Variants in ERBB4 observed in about 807,000 individuals in gnomAD.
ERBB4 encodes erb-b2 receptor tyrosine kinase 4, also known as receptor tyrosine-protein kinase erbB-4.
ERBB4 carries 42 observed loss-of-function variants against 158.0 expected under a neutral mutation model. The observed-to-expected ratio is 0.27, with a 90% confidence interval of 0.21 to 0.34. The LOEUF is 0.34. Among genes scored for constraint, ERBB4 ranks in the 10% least tolerant of loss-of-function variants. ERBB4 has a pLI of 1.00. For synonymous variants in ERBB4, 583 were observed against 558.7 expected, an observed-to-expected ratio of 1.04 and a Z score of -0.61; for missense variants, 1,333 against 1,624.1, an observed-to-expected ratio of 0.82 and a Z score of 3.08.
Position 211,619,081 on chromosome 2 carries a change from T to G in ERBB4, c.2301+96A>C, listed in dbSNP as rs2069496298. On this transcript the variant is annotated intron_variant, in intron 19 of 27. Transcript: ENST00000342788. Reference sequence around the variant, plus strand: ...TTATAATATTTCCATAAGAGAAATTTGTAAGTTGTGGAGTTTGGTTTTGTT... The same window carrying G: ...TTATAATATTTCCATAAGAGAAATTGGTAAGTTGTGGAGTTTGGTTTTGTT... 5.3e-6 allele frequency: 4 copies of G among 749,422 alleles called. No individual in the cohort carries two copies. The Admixed American group carries it at 8.0e-5, about 15-fold the overall frequency. The allele number at this position is 749,422 out of a possible 1,614,324, so 46.4% of individuals were successfully genotyped here. A position where few individuals can be genotyped will look rare whatever the true frequency, so the allele number is the denominator to read the frequency against.
At chr2:212,172,749 T>C (rs1389096290) in intron 1 of ERBB4, among the ~76,000 whole-genome samples, 2 of 151,056 alleles carry the variant, frequency 1.3e-5, no homozygotes, top group South Asian at 2.1e-4. Context: ...CATGGACAAA[T>C]GGGGGTGGAA....
chr2:211,405,697 T>C (rs1428795590), intron 25 of ERBB4, among the ~76,000 whole-genome samples: 1 of 152,198 alleles, frequency 6.6e-6, no homozygotes, highest in East Asian at 1.9e-4. Flanking sequence ...GGCTCTTCAC[T>C]AGTTCTACAT....
At chr2:212,161,278 C>T (rs933778057) in intron 1 of ERBB4, among the ~76,000 whole-genome samples, 5 of 151,864 alleles carry the variant, frequency 3.3e-5, no homozygotes, top group Non-Finnish European at 7.4e-5. Context: ...TATGTAATTT[C>T]CTTTATTAAT....
At chr2:211,553,704 A>G (rs1268271008) in intron 20 of ERBB4, among the ~76,000 whole-genome samples, 1 of 152,206 alleles carries the variant, frequency 6.6e-6, no homozygotes, top group Non-Finnish European at 1.5e-5. Flanking sequence ...CCTTTTCAAG[A>G]GCACAGAGAG....
chr2:212,150,801 T>G (rs2080841517), intron 1 of ERBB4, among the ~76,000 whole-genome samples: 1 of 152,210 alleles, frequency 6.6e-6, no homozygotes, highest in Non-Finnish European at 1.5e-5. Flanking sequence ...ATAACAATTA[T>G]GCATATCATT....
chr2:212,329,450 T>A (rs1185533600), intron 1 of ERBB4, among the ~76,000 whole-genome samples: 1 of 152,090 alleles, frequency 6.6e-6, no homozygotes, highest in Admixed American at 6.6e-5. Context: ...TACATGGTCA[T>A]AGCCTACTGA....
chr2:211,445,564 C>G (rs1334352252), intron 20 of ERBB4, among the ~76,000 whole-genome samples: 1 of 151,912 alleles, frequency 6.6e-6, no homozygotes, highest in East Asian at 1.9e-4. Context: ...ATGAGAGAAT[C>G]TTAAGAAGGT....
intron 16 of ERBB4, among the ~76,000 whole-genome samples, chr2:211,653,433 T>C (rs1476715821): frequency 2.6e-5 from 4 of 151,820 alleles, no homozygotes; most frequent in East Asian, 3.9e-4. Flanking sequence ...CTGGAAACAT[T>C]TCACCTGCTT....
At chr2:211,686,939 A>G (rs2072581066) in intron 12 of ERBB4, among the ~76,000 whole-genome samples, 1 of 151,970 alleles carries the variant, frequency 6.6e-6, no homozygotes, top group African/African-American at 2.4e-5. Flanking sequence ...ATGATCATGG[A>G]TTTTATAGGT....
At chr2:211,992,990 C>T (rs556348651) in intron 2 of ERBB4, among the ~76,000 whole-genome samples, 3 of 152,198 alleles carry the variant, frequency 2.0e-5, no homozygotes, top group Non-Finnish European at 4.4e-5. Flanking sequence ...CTGTCCTCTG[C>T]TCAGTCATGT....
At chr2:212,329,471 A>C (rs1364783139) in intron 1 of ERBB4, among the ~76,000 whole-genome samples, 2 of 152,088 alleles carry the variant, frequency 1.3e-5, no homozygotes, top group Non-Finnish European at 2.9e-5. Flanking sequence ...GGTTTGATTT[A>C]GTTTTTAAAG....
chr2:211,439,348 T>C (rs2063925201), intron 20 of ERBB4, among the ~76,000 whole-genome samples: 1 of 152,066 alleles, frequency 6.6e-6, no homozygotes. Flanking sequence ...TTAAAGTGCC[T>C]CCAAAGGCAC....
chr2:212,129,590 A>G (rs1359741701), intron 1 of ERBB4, among the ~76,000 whole-genome samples: 1 of 151,928 alleles, frequency 6.6e-6, no homozygotes, highest in Non-Finnish European at 1.5e-5. Context: ...CATTTACTTG[A>G]TATCAGAACA....
At chr2:211,711,338 G>A (rs2073694254) in intron 9 of ERBB4, among the ~76,000 whole-genome samples, 1 of 152,100 alleles carries the variant, frequency 6.6e-6, no homozygotes, top group South Asian at 2.1e-4. Context: ...TCTGTAGCCT[G>A]CAGCACTAAC....
chr2:211,449,483 T>C (rs1204755972), intron 20 of ERBB4, among the ~76,000 whole-genome samples: 1 of 152,194 alleles, frequency 6.6e-6, no homozygotes, highest in Admixed American at 6.5e-5. Flanking sequence ...CTAATTGTTC[T>C]TTTCTGCTGA....
intron 1 of ERBB4, among the ~76,000 whole-genome samples, chr2:212,359,536 C>A (rs138742643): frequency 0.014 from 2,053 of 151,742 alleles, 41 homozygotes; most frequent in African/African-American, 0.047. Flanking sequence ...AGAGGGCTGG[C>A]AAACACTGGC....
rs145372547 is a variant in ERBB4, at chr2:212,285,443, A to C, written c.83-160540T>G. Reference sequence around the variant, plus strand: ...CCCTAAGGACAACAAACATTCTAAGAGAGACTGTAGCCAAAATTGCTAATA... The same window carrying C: ...CCCTAAGGACAACAAACATTCTAAGCGAGACTGTAGCCAAAATTGCTAATA... On this transcript the variant is annotated intron_variant, in intron 1 of 27. Coordinates refer to ENST00000342788, the MANE Select transcript of ERBB4 (RefSeq NM_005235.3). Among the ~76,000 whole-genome samples the C allele has an allele frequency of 2.8e-3, 428 of 151,792 alleles. 5 individuals are homozygous for C. The highest frequency in any genetic ancestry group is 9.9e-3 in the African/African-American group (409 of 41,372).
At chr2:212,154,010 C>T (rs2080953837) in intron 1 of ERBB4, among the ~76,000 whole-genome samples, 1 of 152,028 alleles carries the variant, frequency 6.6e-6, no homozygotes, top group Non-Finnish European at 1.5e-5. Context: ...TGACCTATTG[C>T]TTCAAATATC....
intron 1 of ERBB4, among the ~76,000 whole-genome samples, chr2:212,139,343 C>T (rs2080370232): frequency 1.3e-5 from 2 of 151,888 alleles, no homozygotes; most frequent in Non-Finnish European, 2.9e-5. Flanking sequence ...ACAATATTTG[C>T]TAGTATACAA....
Sources: gnomAD v4.1 joint callset for allele counts (sites outside exome capture counted in the v4.1 genomes callset) on GRCh38, gnomAD v4.1.1 for gene constraint, MANE v1.5 for transcripts, NCBI Gene and HGNC (gene_info 2026-07-23, HGNC 2026-07-21) for gene names.